MARCHF1: variants seen among roughly 807,000 people sequenced by gnomAD.
MARCHF1 encodes the protein E3 ubiquitin-protein ligase MARCHF1.
MARCHF1 carries 40 observed loss-of-function variants against 54.2 expected under a neutral mutation model. The observed-to-expected ratio is 0.74, with a 90% CI of 0.57 to 0.96. The LOEUF is 0.96. MARCHF1 is among the 40% of genes least tolerant of loss of function. The pLI, the probability that MARCHF1 is intolerant of heterozygous loss-of-function variation, is 0.00. For synonymous variants in MARCHF1, 236 were observed against 236.3 expected (o/e 1.00, Z 0.01); for missense variants, 586 against 656.5 (o/e 0.89, Z 1.17).
At chr4:163,594,784 A>ACC (rs1416617534) in intron 7 of MARCHF1, among the ~76,000 whole-genome samples, 1 of 151,538 alleles carries the variant, frequency 6.6e-6, no homozygotes, top group African/African-American at 2.4e-5. Context: ...ACACACACAC[A>ACC]CACCCAAACC....
At chr4:164,309,882 T>C (rs1392093417) in intron 1 of MARCHF1, among the ~76,000 whole-genome samples, 2 of 152,158 alleles carry the variant, frequency 1.3e-5, no homozygotes, top group Non-Finnish European at 2.9e-5. Flanking sequence ...GCAGTTATAT[T>C]ACATGTTCTT....
intron 1 of MARCHF1, among the ~76,000 whole-genome samples, chr4:164,357,881 G>T (rs528506718): frequency 6.6e-6 from 1 of 152,022 alleles, no homozygotes; most frequent in African/African-American, 2.4e-5. Flanking sequence ...AACCTCAGAA[G>T]AAAAGGAAAA....
chr4:163,540,514 TCTTAA>T (rs1235374711), intron 9 of MARCHF1, among the ~76,000 whole-genome samples: 5 of 152,226 alleles, frequency 3.3e-5, no homozygotes, highest in South Asian at 4.1e-4. Flanking sequence ...ATAACCTTTT[TCTTAA>T]CTTGTTTTAA....
chr4:164,083,289 GT>G (rs36098843), intron 2 of MARCHF1, among the ~76,000 whole-genome samples: 2 of 150,692 alleles, frequency 1.3e-5, no homozygotes, highest in East Asian at 1.9e-4. Flanking sequence ...TTACTGAAAG[GT>G]TTTTTTTTCA....
intron 7 of MARCHF1, among the ~76,000 whole-genome samples, chr4:163,586,220 C>A (rs1234505992): frequency 2.1e-4 from 32 of 152,062 alleles, no homozygotes; most frequent in Admixed American, 2.1e-3. Context: ...GGTGCACAAC[C>A]CAAAGTTTAT....
At chr4:164,204,376 T>C (rs1731548239) in intron 1 of MARCHF1, among the ~76,000 whole-genome samples, 1 of 152,174 alleles carries the variant, frequency 6.6e-6, no homozygotes, top group African/African-American at 2.4e-5. Flanking sequence ...TCCTTCAGAT[T>C]TTGGACACGT....
At chr4:163,586,024 C>T in intron 7 of MARCHF1, 95 bp from the exon 8 acceptor site, 1 of 1,078,842 alleles carries the variant, frequency 9.3e-7, no homozygotes, top group Non-Finnish European at 1.3e-6. Flanking sequence ...CTATTATAAA[C>T]CGCAACCTAA....
chr4:164,267,096 G>A (rs568692112), intron 1 of MARCHF1, among the ~76,000 whole-genome samples: 3 of 152,214 alleles, frequency 2.0e-5, no homozygotes, highest in East Asian at 1.9e-4. Flanking sequence ...TGTGATAAGA[G>A]AGCCAGAGTA....
At chr4:164,024,644 A>G (rs1344753366) in intron 2 of MARCHF1, among the ~76,000 whole-genome samples, 1 of 152,186 alleles carries the variant, frequency 6.6e-6, no homozygotes, top group African/African-American at 2.4e-5. Flanking sequence ...ACACTTAAGT[A>G]TATACCCCAC....
intron 4 of MARCHF1, among the ~76,000 whole-genome samples, chr4:163,727,345 T>C (rs1010872710): frequency 1.3e-5 from 2 of 151,632 alleles, no homozygotes; most frequent in Non-Finnish European, 2.9e-5. Flanking sequence ...TCTCGCTCTG[T>C]CGCCCAGGCT....
intron 1 of MARCHF1, among the ~76,000 whole-genome samples, chr4:164,173,684 C>T (rs1199939056): frequency 6.6e-6 from 1 of 152,138 alleles, no homozygotes; most frequent in Non-Finnish European, 1.5e-5. Flanking sequence ...ATGTCCTCCC[C>T]TTTCTCTTGC....
At chr4:163,878,392 T>C (rs1750340207) in intron 3 of MARCHF1, among the ~76,000 whole-genome samples, 1 of 152,206 alleles carries the variant, frequency 6.6e-6, no homozygotes, top group Non-Finnish European at 1.5e-5. Flanking sequence ...AGCTAGTCCA[T>C]CAAAGAGGTA....
chr4:163,805,135 A>C (rs1323274657), intron 4 of MARCHF1, among the ~76,000 whole-genome samples: 1 of 152,112 alleles, frequency 6.6e-6, no homozygotes, highest in Non-Finnish European at 1.5e-5. Flanking sequence ...GGAAAACTAT[A>C]AGCTTCTCCT....
At chr4:163,766,879 A>C (rs2110849581) in intron 4 of MARCHF1, among the ~76,000 whole-genome samples, 1 of 152,246 alleles carries the variant, frequency 6.6e-6, no homozygotes, top group Non-Finnish European at 1.5e-5. Context: ...CTACTGCAAA[A>C]ATTTTGCAAC....
chr4:164,192,331 A>G (rs555186915), intron 1 of MARCHF1, among the ~76,000 whole-genome samples: 13 of 149,766 alleles, frequency 8.7e-5, no homozygotes, highest in African/African-American at 3.0e-4. Context: ...ATTTACTTAT[A>G]TAAGTTTAGG....
intron 3 of MARCHF1, among the ~76,000 whole-genome samples, chr4:163,873,394 T>C (rs1750221800): frequency 6.6e-6 from 1 of 152,210 alleles, no homozygotes; most frequent in South Asian, 2.1e-4. Context: ...GGCCATTTTC[T>C]CTCATCAGAG....
Position 163,965,371 on chromosome 4 carries a change from C to T in MARCHF1, c.-39+23130G>A, listed in dbSNP as rs140331585. The stretch of plus-strand genomic sequence containing the variant: ...AATCAATTCATTGAATCCTCATGCA[C>T]GCTCTACACAGTAAGACTATTATTT... On this transcript the variant is annotated intron_variant, in intron 3 of 9. Transcript: ENST00000514618. Among the ~76,000 whole-genome samples, 571 of 149,876 alleles carry T rather than the reference C, an allele frequency of 3.8e-3. 13 individuals carry two copies. Among genetic ancestry groups the T allele is most frequent in the East Asian group, 0.021 (102 of 4,960 alleles).
intron 5 of MARCHF1, among the ~76,000 whole-genome samples, chr4:163,653,439 C>T (rs1180169557): frequency 6.6e-6 from 1 of 151,560 alleles, no homozygotes. Context: ...TGAAAATTTT[C>T]TTAATTGTGT....
chr4:163,718,138 C>T (rs1379278941), intron 4 of MARCHF1, among the ~76,000 whole-genome samples: 3 of 152,124 alleles, frequency 2.0e-5, no homozygotes, highest in Non-Finnish European at 2.9e-5. Flanking sequence ...TTACATCTTA[C>T]ACAAAAAATT....
Sources: gnomAD v4.1 joint callset for allele counts (sites outside exome capture counted in the v4.1 genomes callset) on GRCh38, gnomAD v4.1.1 for gene constraint, MANE v1.5 for transcripts, NCBI Gene and HGNC (gene_info 2026-07-23, HGNC 2026-07-21) for gene names.